Variants in DPT observed in about 807,000 individuals in gnomAD.
DPT encodes the protein dermatopontin, also known as tyrosine-rich acidic matrix protein.
A neutral mutation model predicts 31.2 loss-of-function variants in DPT; 21 were observed. That is an observed-to-expected ratio of 0.67 (90% CI 0.48 to 0.97). The LOEUF is 0.97. DPT is among the 50% of genes least tolerant of loss of function. The pLI is 0.00. For synonymous variants in DPT, 91 were observed against 86.9 expected (o/e 1.05, Z -0.26); for missense variants, 262 against 258.8 (o/e 1.01, Z -0.08).
chr1:168,728,674 C>T (rs969577328), intron 1 of DPT, among the ~76,000 whole-genome samples, 196 bp downstream of exon 1: 7 of 152,190 alleles, frequency 4.6e-5, no homozygotes, highest in African/African-American at 1.7e-4. Flanking sequence ...AGACACTCCC[C>T]ATCCCAGGTT....
intron 2 of DPT, among the ~76,000 whole-genome samples, chr1:168,709,657 T>C (rs1649806900): frequency 6.6e-6 from 1 of 152,210 alleles, no homozygotes; most frequent in Non-Finnish European, 1.5e-5. Flanking sequence ...CGCTAGATAT[T>C]CACTTAGCTA....
At position 168,696,520 on chromosome 1, in the gene DPT, C is replaced by T. The variant is rs1022753300; in HGVS notation, c.*29G>A. 75 of 1,609,172 alleles carry T rather than the reference C, an allele frequency of 4.7e-5. No individual in the cohort carries two copies. Among genetic ancestry groups the T allele is most frequent in the Non-Finnish European group, 5.8e-5 (68 of 1,176,608 alleles). On this transcript the variant is annotated 3_prime_UTR_variant, in exon 4 of 4. Coordinates refer to ENST00000367817, the MANE Select transcript of DPT (RefSeq NM_001937.5). ...CACCCTCCTGTCCCCGGCCCCTTTC[C>T]TTTCACCCAGATTTGGTATGTGGCA...
chr1:168,697,114 A>G (rs1312864098), intron 3 of DPT, among the ~76,000 whole-genome samples: 1 of 152,004 alleles, frequency 6.6e-6, no homozygotes, highest in Admixed American at 6.6e-5. Context: ...AATACAAAAA[A>G]TTAGCTGGGT....
chr1:168,716,711 C>G (rs1214090818), intron 1 of DPT, among the ~76,000 whole-genome samples: 1 of 152,184 alleles, frequency 6.6e-6, no homozygotes, highest in African/African-American at 2.4e-5. Flanking sequence ...TCCTCACACT[C>G]TACCCCCGAC....
chr1:168,727,263 C>T (rs147067106), intron 1 of DPT, among the ~76,000 whole-genome samples: 107 of 152,268 alleles, frequency 7.0e-4, no homozygotes, highest in African/African-American at 2.3e-3. Context: ...GCTTTCTAGC[C>T]GAGGAAATAC....
intron 2 of DPT, among the ~76,000 whole-genome samples, chr1:168,712,878 G>A (rs556416949): frequency 4.7e-4 from 72 of 152,274 alleles, no homozygotes; most frequent in African/African-American, 1.7e-3. Context: ...CATGCTAAGT[G>A]CATTTTCCCC....
intron 1 of DPT, among the ~76,000 whole-genome samples, chr1:168,727,116 T>A (rs761519): frequency 0.53 from 80,033 of 152,080 alleles, 21,675 homozygotes; most frequent in African/African-American, 0.56. Flanking sequence ...AATCTGGTCC[T>A]GTGGCACTGG....
intron 1 of DPT, among the ~76,000 whole-genome samples, chr1:168,715,402 T>C (rs1239961005): frequency 6.6e-6 from 1 of 152,002 alleles, no homozygotes; most frequent in Admixed American, 6.6e-5. Context: ...CCACTGTTCT[T>C]GCTACTTATC....
intron 2 of DPT, among the ~76,000 whole-genome samples, chr1:168,705,974 A>G (rs1364490911): frequency 2.0e-5 from 3 of 150,778 alleles, no homozygotes; most frequent in African/African-American, 5.0e-5. Flanking sequence ...GCCTTCCACC[A>G]TGATTGTGAG....
chr1:168,713,533 TAAAA>T, intron 2 of DPT, among the ~76,000 whole-genome samples: 2 of 152,186 alleles, frequency 1.3e-5, no homozygotes, highest in Middle Eastern at 6.8e-3. Flanking sequence ...ATTTTCAGAT[TAAAA>T]AAACCTGGGC....
chr1:168,697,612 A>C (rs12116794), intron 3 of DPT, among the ~76,000 whole-genome samples: 19,716 of 152,222 alleles, frequency 0.13, 1,495 homozygotes, highest in African/African-American at 0.21. Flanking sequence ...CATCCATTTA[A>C]GAGAAATGTT....
intron 2 of DPT, among the ~76,000 whole-genome samples, chr1:168,713,737 A>C (rs975916713): frequency 6.6e-6 from 1 of 152,130 alleles, no homozygotes; most frequent in African/African-American, 2.4e-5. Context: ...TTAATTTTTT[A>C]ATTTTTTAAT....
At chr1:168,698,092 A>T (rs935318941) in intron 3 of DPT, among the ~76,000 whole-genome samples, 1 of 152,216 alleles carries the variant, frequency 6.6e-6, no homozygotes, top group African/African-American at 2.4e-5. Flanking sequence ...TATCCTAAAC[A>T]CTATGACTAA....
At chr1:168,722,553 T>C (rs1283771328) in intron 1 of DPT, among the ~76,000 whole-genome samples, 1 of 152,222 alleles carries the variant, frequency 6.6e-6, no homozygotes, top group African/African-American at 2.4e-5. Context: ...AACAATCCTA[T>C]AAAATGGGTT....
chr1:168,699,601 A>ATTT (rs1456445984), intron 3 of DPT, among the ~76,000 whole-genome samples: 48 of 148,778 alleles, frequency 3.2e-4, no homozygotes, highest in African/African-American at 9.4e-4. Flanking sequence ...TTTTTTTTTA[A>ATTT]AAAAAAAAAG....
chr1:168,708,843 C>T (rs923843827), intron 2 of DPT, among the ~76,000 whole-genome samples: 4 of 152,200 alleles, frequency 2.6e-5, no homozygotes, highest in Admixed American at 1.3e-4. Context: ...CATGCAAACA[C>T]TCCCTATCTT....
intron 3 of DPT, among the ~76,000 whole-genome samples, chr1:168,697,782 C>T (rs895377598): frequency 2.0e-5 from 3 of 152,134 alleles, no homozygotes; most frequent in Non-Finnish European, 1.5e-5. Context: ...AAACCAGGCT[C>T]AGAGAAATAA....
At chr1:168,710,459 G>C (rs1326248413) in intron 2 of DPT, among the ~76,000 whole-genome samples, 1 of 152,134 alleles carries the variant, frequency 6.6e-6, no homozygotes, top group African/African-American at 2.4e-5. Context: ...AGGGTAAAGG[G>C]TATGGGGGTT....
chr1:168,708,343 T>C (rs998497867), intron 2 of DPT, among the ~76,000 whole-genome samples: 37 of 152,158 alleles, frequency 2.4e-4, no homozygotes, highest in African/African-American at 8.7e-4. Context: ...ATGAAAGGGA[T>C]GATAGATTTT....
Sources: gnomAD v4.1 joint callset for allele counts (sites outside exome capture counted in the v4.1 genomes callset) on GRCh38, gnomAD v4.1.1 for gene constraint, MANE v1.5 for transcripts, NCBI Gene and HGNC (gene_info 2026-07-23, HGNC 2026-07-21) for gene names.